The following MAGI2 variants were observed in gnomAD, a reference collection of about 807,000 sequenced individuals.
MAGI2 encodes membrane associated guanylate kinase, WW and PDZ domain containing 2.
Under a neutral mutation model 133.3 loss-of-function variants are expected in MAGI2, and 35 were observed. The observed-to-expected ratio is 0.26, with a 90% CI of 0.20 to 0.35. The LOEUF is 0.35. Among genes scored for constraint, MAGI2 ranks in the 10% least tolerant of loss-of-function variants. The pLI, the probability that MAGI2 is intolerant of heterozygous loss-of-function variation, is 1.00. For missense variants in MAGI2, 1,636 were observed against 1,863.4 expected (o/e 0.88, Z 2.25); for synonymous variants, 729 against 710.6 (o/e 1.03, Z -0.41).
chr7:78,595,007 G>C (rs905777871), intron 3 of MAGI2, among the ~76,000 whole-genome samples: 1 of 152,158 alleles, frequency 6.6e-6, no homozygotes, highest in African/African-American at 2.4e-5. Context: ...ATAAGGTCTG[G>C]AAGACTTTGT....
rs147708892 is a variant in MAGI2 at position 78,313,281 on chromosome 7, C to T, written c.1408+30497G>A. ...TCAGGTAATGGTTACACCAGAAGCC[C>T]GGATTTCACCACTGCAATATATCTA... On this transcript the variant is annotated intron_variant, in intron 9 of 21. Transcript: ENST00000354212. Among the ~76,000 whole-genome samples the T allele has an allele frequency of 2.7e-4, 41 of 151,976 alleles. No homozygotes were observed. In the East Asian group the frequency reaches 6.0e-3, roughly 22 times the overall value.
chr7:78,164,227 C>T (rs1825394706), intron 15 of MAGI2, among the ~76,000 whole-genome samples: 1 of 152,100 alleles, frequency 6.6e-6, no homozygotes, highest in Non-Finnish European at 1.5e-5. Flanking sequence ...ACCATATAGA[C>T]CTTGCCTGCT....
chr7:78,691,320 A>G (rs1302419311), intron 2 of MAGI2, among the ~76,000 whole-genome samples: 1 of 152,216 alleles, frequency 6.6e-6, no homozygotes, highest in African/African-American at 2.4e-5. Flanking sequence ...TGTGAATGCT[A>G]GAACCATGTG....
At position 78,530,087 on chromosome 7, in the gene MAGI2, C is replaced by T. The variant is rs148414559; in HGVS notation, c.539-8442G>A. ...CTGGACAGCACAGCCTCAGATAATC[C>T]CTTTCATCAAATATCATTTTAAATT... On this transcript the variant is annotated intron_variant, in intron 3 of 21. Transcript: ENST00000354212. Among the ~76,000 whole-genome samples, 744 of 152,134 alleles carry T rather than the reference C, an allele frequency of 4.9e-3. 5 individuals carry two copies. The highest frequency in any genetic ancestry group is 0.017 in the African/African-American group (698 of 41,462).
intron 1 of MAGI2, among the ~76,000 whole-genome samples, chr7:79,336,783 C>T (rs912481428): frequency 2.0e-5 from 3 of 152,036 alleles, no homozygotes; most frequent in African/African-American, 4.8e-5. Context: ...ATGGCAGGAT[C>T]TCCTTTTTAA....
chr7:79,083,690 T>C (rs1654853617), intron 1 of MAGI2, among the ~76,000 whole-genome samples: 1 of 151,750 alleles, frequency 6.6e-6, no homozygotes, highest in Non-Finnish European at 1.5e-5. Flanking sequence ...AGAAAATAAC[T>C]TGGACAGTTT....
At chr7:79,216,313 C>T (rs1830034740) in intron 1 of MAGI2, among the ~76,000 whole-genome samples, 1 of 151,884 alleles carries the variant, frequency 6.6e-6, no homozygotes, top group African/African-American at 2.4e-5. Flanking sequence ...TGAGAGCCAC[C>T]TCCACCACTC....
intron 6 of MAGI2, among the ~76,000 whole-genome samples, chr7:78,372,266 G>T (rs375355922): frequency 6.6e-6 from 1 of 152,012 alleles, no homozygotes; most frequent in Non-Finnish European, 1.5e-5. Flanking sequence ...ACACTGAAGA[G>T]TACACATCTA....
At chr7:79,363,160 A>T (rs1393828673) in intron 1 of MAGI2, among the ~76,000 whole-genome samples, 1 of 151,586 alleles carries the variant, frequency 6.6e-6, no homozygotes, top group Non-Finnish European at 1.5e-5. Flanking sequence ...AACAATAAAC[A>T]CTGAAACTAA....
At chr7:78,584,246 C>G (rs985490253) in intron 3 of MAGI2, among the ~76,000 whole-genome samples, 2 of 151,638 alleles carry the variant, frequency 1.3e-5, no homozygotes, top group African/African-American at 2.4e-5. Context: ...ACGGTGAAAC[C>G]CTGTCTCTAC....
intron 13 of MAGI2, among the ~76,000 whole-genome samples, chr7:78,180,322 C>T (rs1241720649): frequency 6.6e-6 from 1 of 152,136 alleles, no homozygotes; most frequent in Non-Finnish European, 1.5e-5. Context: ...TTTACAAGAC[C>T]TTTATTGTGT....
intron 1 of MAGI2, among the ~76,000 whole-genome samples, chr7:79,079,985 C>A (rs938078669): frequency 6.6e-6 from 1 of 151,942 alleles, no homozygotes; most frequent in Non-Finnish European, 1.5e-5. Flanking sequence ...TAAGAGATTG[C>A]CAGCACTAAT....
chr7:78,179,740 C>T (rs1463144752), intron 13 of MAGI2, among the ~76,000 whole-genome samples: 2 of 152,134 alleles, frequency 1.3e-5, no homozygotes, highest in Non-Finnish European at 2.9e-5. Flanking sequence ...TATAATCAGT[C>T]ATATTTTAAA....
At chr7:79,044,124 A>G (rs2116931846) in intron 1 of MAGI2, among the ~76,000 whole-genome samples, 1 of 152,320 alleles carries the variant, frequency 6.6e-6, no homozygotes, top group Middle Eastern at 3.4e-3. Flanking sequence ...ATACAACAAC[A>G]ACAAAAAAGA....
At chr7:78,810,175 T>A (rs1425700227) in intron 2 of MAGI2, among the ~76,000 whole-genome samples, 1 of 151,030 alleles carries the variant, frequency 6.6e-6, no homozygotes, top group Non-Finnish European at 1.5e-5. Flanking sequence ...AGTTATAGAT[T>A]TTTTTTTTAT....
At chr7:78,864,217 T>C (rs2151507244) in intron 2 of MAGI2, among the ~76,000 whole-genome samples, 1 of 152,336 alleles carries the variant, frequency 6.6e-6, no homozygotes, top group East Asian at 1.9e-4. Context: ...GTAATGGGCT[T>C]ACCCTTACAA....
intron 2 of MAGI2, among the ~76,000 whole-genome samples, chr7:78,834,228 T>G (rs1273036731): frequency 6.6e-6 from 1 of 152,214 alleles, no homozygotes. Context: ...AAATTTACCC[T>G]TTTAAAGTGT....
At chr7:78,378,459 T>C (rs1794646432) in intron 6 of MAGI2, among the ~76,000 whole-genome samples, 1 of 151,952 alleles carries the variant, frequency 6.6e-6, no homozygotes, top group South Asian at 2.1e-4. Context: ...CAGTAAGACA[T>C]TAGACTTTAA....
intron 2 of MAGI2, among the ~76,000 whole-genome samples, chr7:78,861,277 G>A (rs1011492798): frequency 6.6e-5 from 10 of 152,170 alleles, no homozygotes; most frequent in African/African-American, 2.2e-4. Flanking sequence ...ACCTCAGTTG[G>A]AAATGCAGAA....
Sources: allele counts gnomAD v4.1 joint callset (sites outside exome capture counted in the v4.1 genomes callset), GRCh38; gene constraint gnomAD v4.1.1; transcripts MANE v1.5; gene names NCBI Gene and HGNC (gene_info 2026-07-23, HGNC 2026-07-21).